Variants in SPAG17 observed in about 807,000 individuals in gnomAD.
SPAG17 encodes sperm associated antigen 17, also known as sperm-associated antigen 17.
A neutral mutation model predicts 273.6 loss-of-function variants in SPAG17; 169 were observed. That is an observed-to-expected ratio of 0.62 (90% CI 0.55 to 0.70). The LOEUF (loss-of-function observed/expected upper bound fraction) is 0.70. Ranked by LOEUF, SPAG17 falls within the 30% of genes least tolerant of loss-of-function variation. The pLI is 0.00. For synonymous variants in SPAG17, 825 were observed against 873.2 expected, an observed-to-expected ratio of 0.94 and a Z score of 0.97; for missense variants, 2,557 against 2,627.8, an observed-to-expected ratio of 0.97 and a Z score of 0.59.
chr1:118,077,097 T>A (rs1426744224), intron 15 of SPAG17, among the ~76,000 whole-genome samples: 1 of 152,194 alleles, frequency 6.6e-6, no homozygotes, highest in East Asian at 1.9e-4. Flanking sequence ...ATGTATTTGA[T>A]GCTAAAATGG....
At chr1:118,023,623 G>C (rs1279270050) in intron 27 of SPAG17, among the ~76,000 whole-genome samples, 160 bp from the exon 28 acceptor site, 1 of 152,000 alleles carries the variant, frequency 6.6e-6, no homozygotes, top group Non-Finnish European at 1.5e-5. Flanking sequence ...ATTATAGAAA[G>C]GTAGATTTGG....
intron 30 of SPAG17, among the ~76,000 whole-genome samples, chr1:118,010,506 G>T (rs1351836518): frequency 6.6e-6 from 1 of 152,110 alleles, no homozygotes; most frequent in Non-Finnish European, 1.5e-5. Context: ...TAAATGGCTG[G>T]CCATATGCAG....
Position 118,036,853 on chromosome 1 carries a change from C to G in SPAG17, c.3350G>C (p.Ser1117Thr). ...GGTGGCAGAAAAAGATCCAAACTTG[C>G]TGAAAGCTTTATTCTTTGCATCTGA... ...EVSDAKNKAF[S>T]KFGSFSATLE... The change falls in exon 24 of 49, where the codon AGC becomes ACC. Residue 1117 changes from serine (S) to threonine (T), a missense_variant. Physicochemically the swap from Ser to Thr is moderately conservative, Grantham distance 58. Transcript: ENST00000336338. 6.4e-7 allele frequency: 1 copy of G among 1,559,376 alleles called. No individual in the cohort carries two copies. Among genetic ancestry groups the G allele is most frequent in the South Asian group, 1.2e-5 (1 of 84,564 alleles).
intron 1 of SPAG17, among the ~76,000 whole-genome samples, chr1:118,156,717 C>A (rs1659666842): frequency 1.3e-5 from 2 of 152,220 alleles, no homozygotes; most frequent in African/African-American, 4.8e-5. Flanking sequence ...TTTCTCCCGT[C>A]TCCTATTAGA....
intron 7 of SPAG17, among the ~76,000 whole-genome samples, chr1:118,096,416 T>C (rs1205647311): frequency 6.6e-6 from 1 of 150,654 alleles, no homozygotes; most frequent in Non-Finnish European, 1.5e-5. Context: ...CCCTCCACAC[T>C]CCACTTTGCC....
At position 118,099,631 on chromosome 1, in the gene SPAG17, C is replaced by A. The variant is rs1655931030; in HGVS notation, c.804G>T (p.Gln268His). 6.2e-7 allele frequency: 1 copy of A among 1,613,950 alleles called. No homozygotes were observed. The highest frequency in any genetic ancestry group is 1.3e-5 in the African/African-American group (1 of 74,928). Residue 268 changes from glutamine to histidine, a missense_variant, in exon 6 of 49, where the codon CAG becomes CAT. Gln to His is a conservative substitution (Grantham distance 24). Transcript: ENST00000336338. The part of the protein sequence containing the change: ...LQTHLAAVNQ[Q>H]QEVLLQSEDL... Reference sequence around the variant, plus strand: ...CTTCTGACTGAAGAAGAACTTCCTGCTGCTGGTTAACTGCTGCCAGGTGTG... The same window carrying A: ...CTTCTGACTGAAGAAGAACTTCCTGATGCTGGTTAACTGCTGCCAGGTGTG...
rs545159657 is a variant in SPAG17 at position 117,953,829 on chromosome 1, T to TA, written c.*220dup. Reference sequence around the variant, plus strand: ...GACACTCAGTCTCTTCCCTGTACATTAAAAAATAAGAAAACCAAAAATGTC... The same window carrying TA: ...GACACTCAGTCTCTTCCCTGTACATTAAAAAAATAAGAAAACCAAAAATGTC... On this transcript the variant is annotated 3_prime_UTR_variant, in exon 49 of 49. Coordinates refer to ENST00000336338, the MANE Select transcript of SPAG17 (RefSeq NM_206996.4). The TA allele has an allele frequency of 2.4e-4, 149 of 620,868 alleles. No homozygotes were observed. In the Admixed American group the frequency reaches 4.4e-3, roughly 18 times the overall value. The allele number at this position is 620,868 out of a possible 1,614,324, so 38.5% of individuals were successfully genotyped here.
rs1016953348 is a variant in SPAG17, at chr1:117,973,233, T to C, written c.6141+192A>G. Among the ~76,000 whole-genome samples the C allele has an allele frequency of 3.9e-5, 6 of 152,306 alleles. No homozygotes were observed. In the South Asian group the frequency reaches 1.0e-3, roughly 26 times the overall value. On this transcript the variant is annotated intron_variant, in intron 44 of 48. Coordinates refer to ENST00000336338, the MANE Select transcript of SPAG17 (RefSeq NM_206996.4). ...CATCTGAGTTTACATGTGTGAGATG[T>C]AAGTTTAAAGAGCTTCATGGTGAGA...
In SPAG17 at chr1:118,074,546, T is replaced by C; in HGVS notation, c.2264A>G (p.His755Arg). The C allele has an allele frequency of 2.5e-6, 4 of 1,604,610 alleles. No individual in the cohort carries two copies. Among genetic ancestry groups the C allele is most frequent in the Non-Finnish European group, 2.6e-6 (3 of 1,171,542 alleles). ...KDDAVTKADS[H>R]EKKPKKMMVE... ...AGAAAAATAATTCCTTACCTTTTCA[T>C]GAGAATCAGCCTTTGTGACTGCATC... Residue 755 changes from histidine (H) to arginine (R), a missense_variant, in exon 16 of 49, where the codon CAT becomes CGT. Transcript: ENST00000336338.
chr1:118,064,407 T>TA (rs1216831836), intron 18 of SPAG17, among the ~76,000 whole-genome samples: 2 of 151,096 alleles, frequency 1.3e-5, no homozygotes, highest in Non-Finnish European at 2.9e-5. Context: ...TATGCAGCCA[T>TA]AAAAAATGAA....
At chr1:118,133,352 G>A (rs1436311884) in intron 3 of SPAG17, among the ~76,000 whole-genome samples, 1 of 152,230 alleles carries the variant, frequency 6.6e-6, no homozygotes, top group Non-Finnish European at 1.5e-5. Flanking sequence ...TTCTGGCACT[G>A]TGAGCGGCAA....
At position 118,013,330 on chromosome 1, in the gene SPAG17, T is replaced by C. The variant is rs760416681; in HGVS notation, c.4288-958A>G. 2.7e-3 allele frequency among the ~76,000 whole-genome samples: 412 copies of C among 152,316 alleles called. 1 individual carries two copies. The highest frequency in any genetic ancestry group is 5.0e-3 in the Non-Finnish European group (339 of 68,032). On this transcript the variant is annotated intron_variant, in intron 29 of 48. Coordinates refer to ENST00000336338, the MANE Select transcript of SPAG17 (RefSeq NM_206996.4). ...ATTGGGAGCAGGTGATTTTCACCTG[T>C]TTAGCTCTTTATGGTAGGTGGCAGT...
chr1:118,138,854 A>T (rs1452235939), intron 3 of SPAG17, among the ~76,000 whole-genome samples: 1 of 152,212 alleles, frequency 6.6e-6, no homozygotes, highest in Non-Finnish European at 1.5e-5. Context: ...GCACATAAGG[A>T]TACAAAAAAT....
rs1329890265 is a variant in SPAG17, at chr1:118,025,238, C to T, written c.3909G>A (p.Gln1303=). The T allele has an allele frequency of 6.2e-7, 1 of 1,612,642 alleles. No individual in the cohort carries two copies. The highest frequency in any genetic ancestry group is 1.1e-5 in the South Asian group (1 of 91,024). The change falls in exon 27 of 49, where the codon CAG becomes CAA. Residue 1303 remains glutamine (Q), a splice_region_variant and synonymous_variant. Coordinates refer to ENST00000336338, the MANE Select transcript of SPAG17 (RefSeq NM_206996.4). ...VVKYMLDGST[Q]ILFADGAVSR... ...TAATTTCTCTAACACATTCTTTTAC[C>T]TGTGTGGATCCATCCAACATATATT... is the stretch of plus-strand genomic sequence containing the variant.
intron 3 of SPAG17, among the ~76,000 whole-genome samples, chr1:118,148,685 C>T (rs937037414): frequency 8.5e-5 from 13 of 152,226 alleles, no homozygotes; most frequent in African/African-American, 3.1e-4. Flanking sequence ...AGCTTCACCT[C>T]TCACTAGTTG....
At chr1:117,974,068 T>C (rs1654871444) in intron 43 of SPAG17, among the ~76,000 whole-genome samples, 1 of 152,214 alleles carries the variant, frequency 6.6e-6, no homozygotes, top group Non-Finnish European at 1.5e-5. Flanking sequence ...AATCCATCAT[T>C]GATGGGCACC....
intron 1 of SPAG17, among the ~76,000 whole-genome samples, chr1:118,153,915 C>CT: frequency 6.6e-6 from 1 of 152,150 alleles, no homozygotes; most frequent in Non-Finnish European, 1.5e-5. Flanking sequence ...CATATAATTA[C>CT]TTTTTTAAAA....
At chr1:118,107,885 C>G (rs1459197027) in intron 4 of SPAG17, among the ~76,000 whole-genome samples, 2 of 152,150 alleles carry the variant, frequency 1.3e-5, no homozygotes, top group East Asian at 3.8e-4. Context: ...CTCTATATAA[C>G]TTGGTGTCCT....
chr1:118,075,464 A>T (rs1465778141), intron 15 of SPAG17, among the ~76,000 whole-genome samples: 1 of 152,256 alleles, frequency 6.6e-6, no homozygotes, highest in Admixed American at 6.5e-5. Flanking sequence ...AGATCAACGA[A>T]CATCTCACTA....
Sources: gnomAD v4.1 joint callset for allele counts (sites outside exome capture counted in the v4.1 genomes callset) on GRCh38, gnomAD v4.1.1 for gene constraint, MANE v1.5 for transcripts, NCBI Gene and HGNC (gene_info 2026-07-23, HGNC 2026-07-21) for gene names.